Variants in LARGE1 observed in about 807,000 individuals in gnomAD.
LARGE1 encodes LARGE xylosyl- and glucuronyltransferase 1, also known as xylosyl- and glucuronyltransferase LARGE1.
Under a neutral mutation model 87.6 loss-of-function variants are expected in LARGE1, and 43 were observed. The observed-to-expected ratio is 0.49, with a 90% CI of 0.38 to 0.63. The LOEUF (loss-of-function observed/expected upper bound fraction) is 0.63. Among genes scored for constraint, LARGE1 ranks in the 30% least tolerant of loss-of-function variants. LARGE1 has a pLI of 0.00. For missense variants in LARGE1, 802 were observed against 1,000.2 expected (o/e 0.80, Z 2.67); for synonymous variants, 434 against 394.6 (o/e 1.10, Z -1.18).
At chr22:33,831,423 G>T (rs2062965011) in intron 1 of LARGE1, among the ~76,000 whole-genome samples, 1 of 152,174 alleles carries the variant, frequency 6.6e-6, no homozygotes, top group Non-Finnish European at 1.5e-5. Context: ...CCAGGGCCTG[G>T]AGAGCTGGAA....
chr22:33,766,961 T>C (rs1267423705), intron 1 of LARGE1, among the ~76,000 whole-genome samples: 1 of 68,802 alleles, frequency 1.5e-5, no homozygotes, highest in African/African-American at 4.7e-5. Context: ...TATATATATA[T>C]ATATATACTT....
intron 11 of LARGE1, among the ~76,000 whole-genome samples, chr22:33,196,033 C>A (rs1235470582): frequency 6.6e-6 from 1 of 150,986 alleles, no homozygotes; most frequent in African/African-American, 2.4e-5. Context: ...GCTGGGATTA[C>A]AGGTGTGAGC....
chr22:33,364,064 T>A (rs554439156), intron 9 of LARGE1, among the ~76,000 whole-genome samples: 19,143 of 149,430 alleles, frequency 0.13, 2,406 homozygotes, highest in South Asian at 0.29. Context: ...TATATATTTT[T>A]TTTTTTTTGA....
intron 7 of LARGE1, among the ~76,000 whole-genome samples, chr22:33,412,416 C>A (rs929039919): frequency 6.6e-6 from 1 of 151,964 alleles, no homozygotes; most frequent in East Asian, 1.9e-4. Flanking sequence ...TGCAATAGTC[C>A]CACCATGGCA....
intron 1 of LARGE1, among the ~76,000 whole-genome samples, chr22:33,818,815 T>C (rs561173047): frequency 2.0e-5 from 3 of 152,200 alleles, no homozygotes; most frequent in Non-Finnish European, 4.4e-5. Context: ...TCGAGGCAAA[T>C]TGGCAGGGTA....
chr22:33,741,386 CA>C (rs2083875374), intron 2 of LARGE1, among the ~76,000 whole-genome samples: 1 of 152,172 alleles, frequency 6.6e-6, no homozygotes, highest in Non-Finnish European at 1.5e-5. Flanking sequence ...TAAAGAGGCC[CA>C]AAAGCCAGTT....
chr22:33,844,079 C>CA (rs34588361), intron 1 of LARGE1, among the ~76,000 whole-genome samples: 22,190 of 122,596 alleles, frequency 0.18, 2,334 homozygotes, highest in East Asian at 0.41. Context: ...AACTCCGTCT[C>CA]AAAAAAAAAA....
At chr22:33,800,558 C>A (rs2086129448) in intron 1 of LARGE1, among the ~76,000 whole-genome samples, 1 of 152,170 alleles carries the variant, frequency 6.6e-6, no homozygotes, top group Non-Finnish European at 1.5e-5. Flanking sequence ...TATACTCACA[C>A]CCCACCCTAG....
intron 7 of LARGE1, among the ~76,000 whole-genome samples, chr22:33,396,595 G>A (rs531377024): frequency 6.6e-6 from 1 of 152,016 alleles, no homozygotes; most frequent in Admixed American, 6.6e-5. Context: ...AATGGAATGG[G>A]GTGTGGTCAT....
intron 2 of LARGE1, among the ~76,000 whole-genome samples, chr22:33,713,231 TG>T (rs1228273654): frequency 1.3e-5 from 2 of 152,054 alleles, no homozygotes; most frequent in Non-Finnish European, 2.9e-5. Flanking sequence ...GCTGTTCAGA[TG>T]ATCATTAAAG....
intron 11 of LARGE1, among the ~76,000 whole-genome samples, chr22:33,239,953 G>A (rs572575776): frequency 3.3e-5 from 5 of 152,272 alleles, no homozygotes; most frequent in Non-Finnish European, 5.9e-5. Flanking sequence ...TGACGTGGGA[G>A]AATATATATT....
At chr22:33,434,372 C>T (rs545921208) in intron 6 of LARGE1, among the ~76,000 whole-genome samples, 1 of 152,200 alleles carries the variant, frequency 6.6e-6, no homozygotes, top group East Asian at 1.9e-4. Flanking sequence ...GCAATCTGGG[C>T]TCACTGCAAC....
At chr22:33,844,548 T>G (rs933571500) in intron 1 of LARGE1, among the ~76,000 whole-genome samples, 4 of 151,992 alleles carry the variant, frequency 2.6e-5, no homozygotes, top group African/African-American at 9.7e-5. Context: ...TTGGGGCCCC[T>G]GTGCAAGAGG....
intron 5 of LARGE1, among the ~76,000 whole-genome samples, chr22:33,577,894 G>C (rs1162450471): frequency 1.3e-5 from 2 of 152,210 alleles, no homozygotes; most frequent in African/African-American, 4.8e-5. Context: ...TGTAGTAAAA[G>C]GAAAACCTTG....
At chr22:33,547,834 T>TA (rs1037500985) in intron 6 of LARGE1, among the ~76,000 whole-genome samples, 9 of 123,342 alleles carry the variant, frequency 7.3e-5, no homozygotes, top group Non-Finnish European at 1.0e-4. Context: ...GCAGGTTCTC[T>TA]AAAAAAATGT....
intron 11 of LARGE1, among the ~76,000 whole-genome samples, chr22:33,256,036 C>T (rs1175720662): frequency 1.3e-5 from 2 of 152,150 alleles, no homozygotes; most frequent in Non-Finnish European, 2.9e-5. Context: ...GTCAGTTGTC[C>T]CTTATTGATC....
rs144728137 is a variant in LARGE1 at position 33,677,440 on chromosome 22, A to T, written c.107-26772T>A. Among the ~76,000 whole-genome samples the T allele has an allele frequency of 3.2e-3, 488 of 152,214 alleles. 5 individuals are homozygous for T. The highest frequency in any genetic ancestry group is 7.3e-3 in the South Asian group (35 of 4,816). On this transcript the variant is annotated intron_variant, in intron 2 of 14. Coordinates refer to ENST00000397394, the MANE Select transcript of LARGE1 (RefSeq NM_133642.5). ...CTGGAAACCCACTGGAAATTACGAC[A>T]GTTATCTCTCCATATTTATCTCTGT...
At chr22:33,865,522 G>A (rs892423195) in intron 1 of LARGE1, among the ~76,000 whole-genome samples, 1 of 152,186 alleles carries the variant, frequency 6.6e-6, no homozygotes, top group Non-Finnish European at 1.5e-5. Flanking sequence ...TACCAAGGAG[G>A]GTGGCAGGTA....
At chr22:33,091,902 G>C in the LARGE1 span, among the ~76,000 whole-genome samples, 1 of 150,072 alleles carries the variant, frequency 6.7e-6, no homozygotes, top group Non-Finnish European at 1.5e-5. Context: ...TTTTTCGTTT[G>C]TTTGTTTGTT....
Sources: allele counts gnomAD v4.1 joint callset (sites outside exome capture counted in the v4.1 genomes callset), GRCh38; gene constraint gnomAD v4.1.1; transcripts MANE v1.5; gene names NCBI Gene and HGNC (gene_info 2026-07-23, HGNC 2026-07-21).